SELENOV: variants seen among roughly 807,000 people sequenced by gnomAD.
The protein encoded by SELENOV is selenoprotein V.
In SELENOV, 25 loss-of-function variants were observed where a neutral mutation model predicts 21.6. The ratio of observed to expected loss-of-function variants is 1.16; its 90% CI spans 0.84 to 1.62. The LOEUF (loss-of-function observed/expected upper bound fraction) is 1.62. SELENOV is among the 40% of genes most tolerant of loss of function. The pLI is 0.00. For synonymous variants in SELENOV, 227 were observed against 216.9 expected, an observed-to-expected ratio of 1.05 and a Z score of -0.41; for missense variants, 472 against 459.0, an observed-to-expected ratio of 1.03 and a Z score of -0.26.
exon 3 of SELENOV, chr19:39,518,740 T>C: frequency 6.2e-7 from 1 of 1,613,796 alleles, no homozygotes; most frequent in East Asian, 2.2e-5. Context: ...CTCCCCTCAG[T>C]ACATTCTACT....
chr19:39,517,998 C>T (rs1042093186), intron 1 of SELENOV, among the ~76,000 whole-genome samples: 9 of 56,760 alleles, frequency 1.6e-4, no homozygotes, highest in Admixed American at 3.5e-4. Flanking sequence ...AAAAGCCCAG[C>T]GCGGTGGCTC....
chr19:39,519,190 G>C lies in SELENOV; in HGVS notation c.*22+20G>C. 2 of 1,570,054 alleles carry C rather than the reference G, an allele frequency of 1.3e-6. No homozygotes were observed. Among genetic ancestry groups the C allele is most frequent in the Non-Finnish European group, 1.8e-6 (2 of 1,142,824 alleles). On this transcript the variant is annotated intron_variant, in intron 5 of 5. Coordinates refer to ENST00000335426, the Ensembl canonical transcript of SELENOV. Reference sequence around the variant, plus strand: ...CTGGAGGTGAGCGTGGAGCTCCCAAGGCTGCGGTGGGAGGGGTGGAGGCCG... The same window carrying C: ...CTGGAGGTGAGCGTGGAGCTCCCAACGCTGCGGTGGGAGGGGTGGAGGCCG...
At position 39,515,293 on chromosome 19, in the gene SELENOV, A is replaced by C; in HGVS notation, c.81A>C (p.Thr27=). ...TCCGGGCTTCTACCCCGACCCGGACACCGACTCCACTCCGGACCCCGACTC... is the reference window on the plus strand; with the variant it reads ...TCCGGGCTTCTACCCCGACCCGGACCCCGACTCCACTCCGGACCCCGACTC... Residue 27 remains threonine, a synonymous_variant, in exon 1 of 6, where the codon ACA becomes ACC. Coordinates refer to ENST00000335426, the Ensembl canonical transcript of SELENOV. This position sits in a 1 kb window ranked among gnomAD's most constrained non-coding sequence, Gnocchi z 5.1. The C allele has an allele frequency of 3.9e-6, 6 of 1,550,912 alleles. No individual in the cohort carries two copies. Among genetic ancestry groups the C allele is most frequent in the Non-Finnish European group, 5.2e-6 (6 of 1,146,818 alleles).
rs1476633191 is a variant in SELENOV, at chr19:39,515,794, G to A, written c.582G>A (p.Thr194=). The change falls in exon 1 of 6, where the codon ACG becomes ACA. Residue 194 remains threonine (T), a synonymous_variant. Transcript: ENST00000335426. This position sits in a 1 kb window ranked among gnomAD's most constrained non-coding sequence, Gnocchi z 5.1. ...GGCCCGCCCCGGGGCCCCTTCCCAC[G>A]CGCACCCCGCTGGCCGCGAACTCAC... 5 of 1,549,156 alleles carry A rather than the reference G, an allele frequency of 3.2e-6. No individual in the cohort carries two copies. The Admixed American group carries it at 5.9e-5, about 18-fold the overall frequency.
Position 39,515,331 on chromosome 19 carries a change from G to C in SELENOV, c.119G>C (p.Arg40Pro). ...CGGACCCCGACTCCGGTCCGGACTC[G>C]GACCCCCATCCGGACCCTGACTCCA... The change falls in exon 1 of 6, where the codon CGG becomes CCG. Residue 40 changes from arginine (R) to proline (P), a missense_variant. Transcript: ENST00000335426. This position sits in a 1 kb window ranked among gnomAD's most constrained non-coding sequence, Gnocchi z 5.1. The C allele has an allele frequency of 1.9e-6, 3 of 1,550,738 alleles. No individual in the cohort carries two copies. The highest frequency in any genetic ancestry group is 1.7e-6 in the Non-Finnish European group (2 of 1,146,678).
Position 39,515,345 on chromosome 19 carries a change from A to G in SELENOV, c.133A>G (p.Thr45Ala). The G allele has an allele frequency of 1.3e-6, 2 of 1,550,850 alleles. No homozygotes were observed. Among genetic ancestry groups the G allele is most frequent in the Non-Finnish European group, 1.7e-6 (2 of 1,146,768 alleles). Reference sequence around the variant, plus strand: ...GGTCCGGACTCGGACCCCCATCCGGACCCTGACTCCAGTCCTGACTCCGTC... The same window carrying G: ...GGTCCGGACTCGGACCCCCATCCGGGCCCTGACTCCAGTCCTGACTCCGTC... The change falls in exon 1 of 6, where the codon ACC (threonine) becomes GCC (alanine). Residue 45 changes from threonine (T) to alanine (A), a missense_variant. Physicochemically the swap from Thr to Ala is moderately conservative, Grantham distance 58. Coordinates refer to ENST00000335426, the Ensembl canonical transcript of SELENOV. This position sits in a 1 kb window ranked among gnomAD's most constrained non-coding sequence, Gnocchi z 5.1.
Position 39,515,748 on chromosome 19 carries a change from C to G in SELENOV, c.536C>G (p.Pro179Arg), listed in dbSNP as rs775373840. Reference sequence around the variant, plus strand: ...CCGGCGCCGAGCCTGAAGCTCATCCCGTCGGTCTCCAGCGAGGCCGGGCCC... The same window carrying G: ...CCGGCGCCGAGCCTGAAGCTCATCCGGTCGGTCTCCAGCGAGGCCGGGCCC... The change falls in exon 1 of 6, where the codon CCG (proline) becomes CGG (arginine). Residue 179 changes from proline to arginine, a missense_variant. Pro to Arg is a moderately radical substitution (Grantham distance 103, BLOSUM62 -2). Coordinates refer to ENST00000335426, the Ensembl canonical transcript of SELENOV. This position sits in a 1 kb window ranked among gnomAD's most constrained non-coding sequence, Gnocchi z 5.1. 3.2e-6 allele frequency: 5 copies of G among 1,549,300 alleles called. No individual in the cohort carries two copies. Among genetic ancestry groups the G allele is most frequent in the East Asian group, 2.4e-5 (1 of 40,894 alleles).
At position 39,517,991 on chromosome 19, in the gene SELENOV, A is replaced by AAAAAAAAAAAAAAAAAAAAG. The variant is rs374863818; in HGVS notation, c.810-617_810-616insAAAAAAAAAAAAAAAAAAAG. Among the ~76,000 whole-genome samples the AAAAAAAAAAAAAAAAAAAAG allele has an allele frequency of 2.8e-4, 26 of 92,088 alleles. 4 individuals are homozygous for AAAAAAAAAAAAAAAAAAAAG. The highest frequency in any genetic ancestry group is 4.0e-4 in the Non-Finnish European group (18 of 44,906). The allele number at this position is 92,088 out of a possible 152,430, so 60.4% of individuals were successfully genotyped here. On this transcript the variant is annotated intron_variant, in intron 1 of 5. Transcript: ENST00000335426. ...AAAAAAAAAAAAAAAAAAAAAAAAA[A>AAAAAAAAAAAAAAAAAAAAG]GCCCAGCGCGGTGGCTCACGCCTGT...
At position 39,515,236 on chromosome 19, in the gene SELENOV, A is replaced by G; in HGVS notation, c.24A>G (p.Pro8=). ...CCATGAATAACCAGGCGCGGACCCC[A>G]GCCCCCTCCTCGGCGCGGACTTCAA... is the stretch of plus-strand genomic sequence containing the variant. The change falls in exon 1 of 6, where the codon CCA becomes CCG. Residue 8 remains proline, a synonymous_variant. Transcript: ENST00000335426. This position sits in a 1 kb window ranked among gnomAD's most constrained non-coding sequence, Gnocchi z 5.1. The G allele has an allele frequency of 2.6e-6, 4 of 1,549,502 alleles. No individual in the cohort carries two copies. Among genetic ancestry groups the G allele is most frequent in the South Asian group, 1.2e-5 (1 of 84,008 alleles).
At chr19:39,518,842 G>C in intron 3 of SELENOV, 49 bp downstream of exon 3, 1 of 1,612,056 alleles carries the variant, frequency 6.2e-7, no homozygotes, top group Non-Finnish European at 8.5e-7. Context: ...AGGGATCTGA[G>C]ATCCCCAAGG....
chr19:39,518,187 C>T (rs567497070), intron 1 of SELENOV, among the ~76,000 whole-genome samples: 18 of 150,238 alleles, frequency 1.2e-4, no homozygotes, highest in African/African-American at 3.7e-4. Context: ...AGGAGAATGG[C>T]GTGAACCCGG....
chr19:39,519,779 C>T (rs1363495926), intron 5 of SELENOV, among the ~76,000 whole-genome samples: 1 of 151,900 alleles, frequency 6.6e-6, no homozygotes, highest in African/African-American at 2.4e-5. Context: ...TCCTGGCTAA[C>T]ACGGTGAAAC....
chr19:39,515,296 G>T lies in SELENOV; in HGVS notation c.84G>T (p.Pro28=), dbSNP rs187415319. 5.2e-6 allele frequency: 8 copies of T among 1,551,020 alleles called. No homozygotes were observed. In the Admixed American group the frequency reaches 1.4e-4, roughly 27 times the overall value. Residue 28 remains proline, a synonymous_variant, in exon 1 of 6, where the codon CCG becomes CCT. Transcript: ENST00000335426. This position sits in a 1 kb window ranked among gnomAD's most constrained non-coding sequence, Gnocchi z 5.1. ...GGGCTTCTACCCCGACCCGGACACC[G>T]ACTCCACTCCGGACCCCGACTCCGG... is the stretch of plus-strand genomic sequence containing the variant.
intron 1 of SELENOV, among the ~76,000 whole-genome samples, chr19:39,518,294 C>CAAAAAAAAAAAAAA (rs56055153): frequency 9.3e-6 from 1 of 107,184 alleles, no homozygotes; most frequent in African/African-American, 3.4e-5. Context: ...AACAAAAAAA[C>CAAAAAAAAAAAAAA]AAAAAAAAAA....
exon 5 of SELENOV, chr19:39,519,079 T>C: frequency 1.2e-6 from 2 of 1,613,722 alleles, no homozygotes; most frequent in Non-Finnish European, 1.7e-6. Flanking sequence ...AGAGGGGTGA[T>C]GGCTTTGTGA....
intron 1 of SELENOV, among the ~76,000 whole-genome samples, chr19:39,517,972 A>C (rs1430500153): frequency 1.7e-4 from 20 of 120,296 alleles, no homozygotes; most frequent in East Asian, 4.6e-4. Context: ...CTCAAAAAAA[A>C]AAAAAAAAAA....
intron 1 of SELENOV, among the ~76,000 whole-genome samples, chr19:39,517,991 A>AAAAAAAAAAAAAAAAAAAAAAAAG (rs374863818): frequency 5.4e-5 from 5 of 92,090 alleles, no homozygotes; most frequent in East Asian, 3.9e-4. Context: ...AAAAAAAAAA[A>AAAAAAAAAAAAAAAAAAAAAAAAG]GCCCAGCGCG....
In SELENOV at chr19:39,515,505, C is replaced by T. The variant is rs953291292; in HGVS notation, c.293C>T (p.Pro98Leu). The change falls in exon 1 of 6, where the codon CCG becomes CTG. Residue 98 changes from proline (P) to leucine (L), a missense_variant. Coordinates refer to ENST00000335426, the Ensembl canonical transcript of SELENOV. This position sits in a 1 kb window ranked among gnomAD's most constrained non-coding sequence, Gnocchi z 5.1. ...CCGGCCTGGATCCCTACTCCGGTGC[C>T]GACTCCCGTTCCCGTCCGGAACCCA... The T allele has an allele frequency of 1.3e-6, 2 of 1,550,992 alleles. No homozygotes were observed. The highest frequency in any genetic ancestry group is 2.7e-5 in the African/African-American group (2 of 72,988).
At position 39,518,436 on chromosome 19, in the gene SELENOV, G is replaced by T. The variant is rs567329702; in HGVS notation, c.810-172G>T. ...GATCCTGTGGTGGCTTGCAGGCCACGGGAAGGACTGGTTTTTCCCCTGCGT... is the reference window on the plus strand; with the variant it reads ...GATCCTGTGGTGGCTTGCAGGCCACTGGAAGGACTGGTTTTTCCCCTGCGT... On this transcript the variant is annotated intron_variant, in intron 1 of 5. Transcript: ENST00000335426. 3.3e-5 allele frequency: 22 copies of T among 671,170 alleles called. No homozygotes were observed. The East Asian group carries it at 5.7e-4, about 17-fold the overall frequency. The allele number at this position is 671,170 out of a possible 1,614,324, so 41.6% of individuals were successfully genotyped here.
Sources: gnomAD v4.1 joint callset for allele counts (sites outside exome capture counted in the v4.1 genomes callset) on GRCh38, gnomAD v4.1.1 for gene constraint, Gnocchi (gnomAD v3.1) non-coding constraint, MANE v1.5 for transcripts, NCBI Gene and HGNC (gene_info 2026-07-23, HGNC 2026-07-21) for gene names.